Variants in TOPAZ1 observed in about 807,000 individuals in gnomAD.
TOPAZ1 encodes the protein testis and ovary specific TOPAZ 1.
In TOPAZ1, 66 loss-of-function variants were observed where a neutral mutation model predicts 172.2. The observed-to-expected ratio is 0.38, with a 90% CI of 0.31 to 0.47. The LOEUF is 0.47. Among genes scored for constraint, TOPAZ1 ranks in the 20% least tolerant of loss-of-function variants. TOPAZ1 has a pLI of 0.99. For synonymous variants in TOPAZ1, 681 were observed against 683.9 expected (o/e 1.00, Z 0.07); for missense variants, 1,822 against 1,972.4 (o/e 0.92, Z 1.44).
At chr3:44,308,602 C>T (rs1278611186) in intron 15 of TOPAZ1, among the ~76,000 whole-genome samples, 1 of 151,710 alleles carries the variant, frequency 6.6e-6, no homozygotes. Context: ...ATGCATGTGT[C>T]TTTATAGACT....
intron 13 of TOPAZ1, among the ~76,000 whole-genome samples, chr3:44,304,800 A>G (rs959787153): frequency 6.6e-6 from 1 of 152,210 alleles, no homozygotes; most frequent in Non-Finnish European, 1.5e-5. Flanking sequence ...TGCCATGGAG[A>G]CAGTTCAAAT....
chr3:44,323,236 G>A lies in TOPAZ1; in HGVS notation c.4616G>A (p.Arg1539Lys), dbSNP rs1364870308. ...SIPIDFSFLR[R>K]LITSLGRSRL... ...CCTATTGATTTTTCCTTTCTCAGAA[G>A]ATTAATTACTTCTTTAGGAAGGAGT... Residue 1539 changes from arginine (R) to lysine (K), a missense_variant, in exon 18 of 20, where the codon AGA becomes AAA. Physicochemically the swap from Arg to Lys is conservative, Grantham distance 26. Coordinates refer to ENST00000309765, the MANE Select transcript of TOPAZ1 (RefSeq NM_001145030.2). 2 of 1,550,498 alleles carry A rather than the reference G, an allele frequency of 1.3e-6. No individual in the cohort carries two copies. Among genetic ancestry groups the A allele is most frequent in the Non-Finnish European group, 1.7e-6 (2 of 1,146,368 alleles).
chr3:44,288,083 C>T (rs569115583), intron 11 of TOPAZ1, among the ~76,000 whole-genome samples: 17 of 152,116 alleles, frequency 1.1e-4, no homozygotes, highest in Non-Finnish European at 1.5e-5. Context: ...GAATTGTCTT[C>T]GTCTCTACTC....
intron 3 of TOPAZ1, among the ~76,000 whole-genome samples, chr3:44,255,361 T>A (rs1164985143): frequency 1.6e-5 from 2 of 123,864 alleles, no homozygotes; most frequent in East Asian, 4.1e-4. Context: ...CTTAAAAAAA[T>A]TTTATAGTTG....
In TOPAZ1 at chr3:44,244,038, C is replaced by T. The variant is rs1445017578; in HGVS notation, c.1532C>T (p.Ser511Phe). The change falls in exon 2 of 20, where the codon TCC (serine) becomes TTC (phenylalanine). Residue 511 changes from serine (S) to phenylalanine (F), a missense_variant. Coordinates refer to ENST00000309765, the MANE Select transcript of TOPAZ1 (RefSeq NM_001145030.2). ...RISAWCWKKASLPESSYFLRG... is the reference protein window; with the variant it reads ...RISAWCWKKAFLPESSYFLRG... ...TCTGCCTGGTGTTGGAAAAAGGCTT[C>T]CTTGCCAGAATCAAGTTACTTTCTT... is the stretch of plus-strand genomic sequence containing the variant. 3.2e-6 allele frequency: 5 copies of T among 1,551,788 alleles called. No individual in the cohort carries two copies. Among genetic ancestry groups the T allele is most frequent in the Middle Eastern group, 1.7e-4 (1 of 6,016 alleles).
At chr3:44,285,672 C>T (rs1379409405) in intron 9 of TOPAZ1, among the ~76,000 whole-genome samples, 1 of 151,540 alleles carries the variant, frequency 6.6e-6, no homozygotes, top group Non-Finnish European at 1.5e-5. Context: ...TGGGTTCAAG[C>T]GATTCTCCTG....
At chr3:44,299,869 G>A (rs1304268362) in intron 12 of TOPAZ1, among the ~76,000 whole-genome samples, 12 of 136,472 alleles carry the variant, frequency 8.8e-5, no homozygotes, top group Admixed American at 3.4e-4. Context: ...ACCAAACACC[G>A]CATATTCTCA....
At chr3:44,329,317 AGTCACCTAC>A (rs1235765301) in intron 19 of TOPAZ1, among the ~76,000 whole-genome samples, 1 of 152,212 alleles carries the variant, frequency 6.6e-6, no homozygotes, top group African/African-American at 2.4e-5. Flanking sequence ...CAGAAACTTT[AGTCACCTAC>A]GTGATAGCTT....
At chr3:44,330,647 T>C (rs976854826) in intron 19 of TOPAZ1, among the ~76,000 whole-genome samples, 9 of 152,212 alleles carry the variant, frequency 5.9e-5, no homozygotes, top group African/African-American at 2.2e-4. Context: ...CACTCTAGAC[T>C]ACACTGTGAT....
chr3:44,277,122 C>T (rs1191810999), intron 8 of TOPAZ1, among the ~76,000 whole-genome samples: 1 of 152,102 alleles, frequency 6.6e-6, no homozygotes, highest in South Asian at 2.1e-4. Flanking sequence ...ATTAATCCTT[C>T]TAATTTATAA....
At chr3:44,255,710 CACACACACACATAT>C (rs1442324338) in intron 3 of TOPAZ1, among the ~76,000 whole-genome samples, 15 of 112,872 alleles carry the variant, frequency 1.3e-4, no homozygotes, top group African/African-American at 3.3e-4. Flanking sequence ...CACACACACA[CACACACACACATAT>C]ATATATGGTT....
At chr3:44,293,756 A>G (rs904016962) in intron 12 of TOPAZ1, among the ~76,000 whole-genome samples, 2 of 152,206 alleles carry the variant, frequency 1.3e-5, no homozygotes, top group African/African-American at 2.4e-5. Flanking sequence ...TAGTATTTGT[A>G]AAGTCTACAG....
intron 2 of TOPAZ1, among the ~76,000 whole-genome samples, chr3:44,245,831 A>C (rs983215774): frequency 6.6e-6 from 1 of 151,964 alleles, no homozygotes; most frequent in Admixed American, 6.6e-5. Flanking sequence ...GAGCCACCGC[A>C]CCCAGCCCAT....
chr3:44,313,697 C>G (rs763986428), intron 16 of TOPAZ1, among the ~76,000 whole-genome samples: 2 of 150,908 alleles, frequency 1.3e-5, no homozygotes, highest in African/African-American at 2.4e-5. Context: ...TCTATACAAA[C>G]ATGTCCTTTT....
At chr3:44,246,524 G>A (rs925490049) in intron 2 of TOPAZ1, among the ~76,000 whole-genome samples, 6 of 152,068 alleles carry the variant, frequency 3.9e-5, no homozygotes, top group Non-Finnish European at 8.8e-5. Flanking sequence ...CTGTCTATGT[G>A]CCAAATGGAG....
At position 44,331,902 on chromosome 3, in the gene TOPAZ1, T is replaced by C; in HGVS notation, c.4970T>C (p.Val1657Ala). Residue 1657 changes from valine to alanine, a missense_variant, in exon 20 of 20, where the codon GTC becomes GCC. By Grantham distance (64) the Val-to-Ala change is moderately conservative (BLOSUM62 0). This residue lies in a region of TOPAZ1 where 333 missense variants were observed against 481.7 expected (regional missense o/e 0.69). Coordinates refer to ENST00000309765, the MANE Select transcript of TOPAZ1 (RefSeq NM_001145030.2). ...AAGCTTTTCGTTAAACACATGACTG[T>C]CAATGTTAATAAGGAACAGGTTTAT... is the stretch of plus-strand genomic sequence containing the variant. ...DPKLFVKHMT[V>A]NVNKEQVYSL... The C allele has an allele frequency of 6.4e-7, 1 of 1,551,734 alleles. No individual in the cohort carries two copies. The highest frequency in any genetic ancestry group is 8.7e-7 in the Non-Finnish European group (1 of 1,146,924).
In TOPAZ1 at chr3:44,300,128, A is replaced by AT. The variant is rs1559542471; in HGVS notation, c.3798-3887_3798-3886insT. ...AATAATAAAATAAATAAATAAATAA[A>AT]AAATAAAAAAAAAGAAAATGAGAGC... is the stretch of plus-strand genomic sequence containing the variant. On this transcript the variant is annotated intron_variant, in intron 12 of 19. Transcript: ENST00000309765. Among the ~76,000 whole-genome samples, 617 of 150,204 alleles carry AT rather than the reference A, an allele frequency of 4.1e-3. 8 individuals are homozygous for AT. The highest frequency in any genetic ancestry group is 0.015 in the African/African-American group (590 of 40,276).
rs950371107 is a variant in TOPAZ1 at position 44,305,197 on chromosome 3, C to T, written c.3915C>T (p.Asn1305=). The T allele has an allele frequency of 2.6e-5, 40 of 1,544,020 alleles. No homozygotes were observed. Among genetic ancestry groups the T allele is most frequent in the Middle Eastern group, 1.7e-4 (1 of 5,998 alleles). The part of the protein sequence containing the change: ...DWTKLGKLYI[N]VKMGCEKFAD... Reference sequence around the variant, plus strand: ...CCAAATTGGGAAAATTATACATTAACGTAAAAATGGGCTGTGAAAAATTTG... The same window carrying T: ...CCAAATTGGGAAAATTATACATTAATGTAAAAATGGGCTGTGAAAAATTTG... The change falls in exon 14 of 20, where the codon AAC becomes AAT. Residue 1305 remains asparagine, a synonymous_variant. Transcript: ENST00000309765.
chr3:44,286,054 CA>C (rs72147990), intron 9 of TOPAZ1, among the ~76,000 whole-genome samples: 127,680 of 149,744 alleles, frequency 0.85, 54,524 homozygotes, highest in Middle Eastern at 0.93. Context: ...ACTAAAAATG[CA>C]AAAAAAAAAC....
Sources: allele counts gnomAD v4.1 joint callset (sites outside exome capture counted in the v4.1 genomes callset), GRCh38; gene constraint gnomAD v4.1.1; regional missense constraint gnomAD v4.1.1; transcripts MANE v1.5; gene names NCBI Gene and HGNC (gene_info 2026-07-23, HGNC 2026-07-21).